The following CNOT4 variants were observed in gnomAD, a reference collection of about 807,000 sequenced individuals.
CNOT4 encodes the protein CCR4-associated factor 4.
CNOT4 carries 8 observed loss-of-function variants against 73.8 expected under a neutral mutation model. The ratio of observed to expected loss-of-function variants is 0.11; its 90% CI spans 0.06 to 0.20. CNOT4 has a LOEUF of 0.20. Ranked by LOEUF, CNOT4 falls within the 10% of genes least tolerant of loss-of-function variation. The pLI is 1.00. For missense variants in CNOT4, 564 were observed against 883.4 expected (o/e 0.64, Z 4.58); for synonymous variants, 293 against 321.1 (o/e 0.91, Z 0.94).
chr7:135,385,050 T>A (rs1248027467), intron 10 of CNOT4, among the ~76,000 whole-genome samples: 1 of 152,256 alleles, frequency 6.6e-6, no homozygotes, highest in Non-Finnish European at 1.5e-5. Context: ...ACCACTACTG[T>A]GCTAGTCTAG....
chr7:135,448,535 A>G (rs893527256), intron 1 of CNOT4, among the ~76,000 whole-genome samples: 2 of 146,964 alleles, frequency 1.4e-5, no homozygotes, highest in African/African-American at 5.4e-5. Flanking sequence ...CAAAAAAAGA[A>G]AAAAAAAGGG....
chr7:135,403,571 C>A (rs1435848449), intron 7 of CNOT4, among the ~76,000 whole-genome samples: 3 of 151,866 alleles, frequency 2.0e-5, no homozygotes, highest in African/African-American at 4.8e-5. Context: ...CTGGGCAACA[C>A]AGCAAGATCC....
chr7:135,365,511 A>T (rs923129775), intron 10 of CNOT4, among the ~76,000 whole-genome samples: 1 of 151,704 alleles, frequency 6.6e-6, no homozygotes, highest in African/African-American at 2.4e-5. Context: ...GACAAGGATA[A>T]TCTGCATTTA....
At chr7:135,426,377 C>T (rs903998671) in intron 2 of CNOT4, among the ~76,000 whole-genome samples, 5 of 151,466 alleles carry the variant, frequency 3.3e-5, no homozygotes, top group South Asian at 2.1e-4. Context: ...CCAAGGCGGG[C>T]GGACCACAAG....
chr7:135,495,512 A>G (rs1403959086), intron 1 of CNOT4, among the ~76,000 whole-genome samples: 1 of 148,616 alleles, frequency 6.7e-6, no homozygotes, highest in African/African-American at 2.5e-5. Flanking sequence ...CTCAAAAAAA[A>G]AAAAAAAAAA....
At chr7:135,386,391 C>T (rs1304112845) in intron 10 of CNOT4, 6 of 151,960 alleles carry the variant, frequency 3.9e-5, no homozygotes, top group Admixed American at 3.3e-4. Context: ...GCACATGATG[C>T]ATCATGCAGG....
intron 1 of CNOT4, among the ~76,000 whole-genome samples, chr7:135,457,226 G>C (rs1585673938): frequency 6.6e-6 from 1 of 151,946 alleles, no homozygotes. Context: ...GGCAACAACA[G>C]GGAGCATACA....
In CNOT4 at chr7:135,423,339, A is replaced by C. The variant is rs569217283; in HGVS notation, c.175-986T>G. On this transcript the variant is annotated intron_variant, in intron 2 of 11. Coordinates refer to ENST00000541284, the MANE Select transcript of CNOT4 (RefSeq NM_001190850.2). The stretch of plus-strand genomic sequence containing the variant: ...ACCTATCAGAATACAAGAGTGGGGA[A>C]CAACAGAAATAATGCCAAACCAAAA... Among the ~76,000 whole-genome samples, 14 of 151,988 alleles carry C rather than the reference A, an allele frequency of 9.2e-5. No homozygotes were observed. The East Asian group carries it at 2.7e-3, about 29-fold the overall frequency.
intron 10 of CNOT4, chr7:135,387,429 T>C (rs1438359514): frequency 4.1e-6 from 4 of 983,558 alleles, no homozygotes; most frequent in Non-Finnish European, 4.8e-6. Flanking sequence ...CAATTTTATA[T>C]AGAGGTAACC....
intron 1 of CNOT4, among the ~76,000 whole-genome samples, chr7:135,461,214 T>C (rs1307771296): frequency 4.6e-5 from 7 of 152,128 alleles, no homozygotes; most frequent in Admixed American, 4.6e-4. Flanking sequence ...AGAAATAAAT[T>C]TCATATATCC....
rs1448111437 is a variant in CNOT4 at position 135,395,709 on chromosome 7, G to C, written c.1054C>G (p.Pro352Ala). The change falls in exon 9 of 12, where the codon CCT (proline) becomes GCT (alanine). Residue 352 changes from proline to alanine, a missense_variant. Pro to Ala is a conservative substitution (Grantham distance 27). Transcript: ENST00000541284. ...GTCTGTGGGGAGCTGGGGAAAGGAG[G>C]AAGCCCACTTGGGATAGGGTTGGGA... is the stretch of plus-strand genomic sequence containing the variant. ...RHPNPIPSGL[P>A]PFPSSPQTSS... is the part of the protein sequence containing the mutation. 6.2e-7 allele frequency: 1 copy of C among 1,614,074 alleles called. No individual in the cohort carries two copies. Among genetic ancestry groups the C allele is most frequent in the Non-Finnish European group, 8.5e-7 (1 of 1,179,958 alleles).
chr7:135,453,060 A>G (rs940529012), intron 1 of CNOT4, among the ~76,000 whole-genome samples: 18 of 152,306 alleles, frequency 1.2e-4, no homozygotes, highest in Admixed American at 2.6e-4. Context: ...ACACCTTTGA[A>G]GTTTGTAAGG....
intron 7 of CNOT4, among the ~76,000 whole-genome samples, chr7:135,402,383 T>C (rs1797047266): frequency 6.6e-6 from 1 of 152,190 alleles, no homozygotes; most frequent in South Asian, 2.1e-4. Flanking sequence ...ATGCTGGGAT[T>C]CAGGCGTGAG....
chr7:135,441,476 A>C (rs576816515), intron 1 of CNOT4, among the ~76,000 whole-genome samples: 35 of 152,142 alleles, frequency 2.3e-4, no homozygotes, highest in African/African-American at 7.9e-4. Flanking sequence ...TAGGAGTTTA[A>C]AGCTGACTTC....
chr7:135,477,904 TTTA>T (rs1802096724), intron 1 of CNOT4, among the ~76,000 whole-genome samples: 1 of 151,490 alleles, frequency 6.6e-6, no homozygotes, highest in Non-Finnish European at 1.5e-5. Context: ...CAATATATAT[TTTA>T]TGTTGATATA....
At position 135,453,813 on chromosome 7, in the gene CNOT4, AAATATATATATTT is replaced by A. The variant is rs1206353401; in HGVS notation, c.-92-15403_-92-15391del. Among the ~76,000 whole-genome samples, 13 of 113,494 alleles carry A rather than the reference AAATATATATATTT, an allele frequency of 1.1e-4. No homozygotes were observed. In the East Asian group the frequency reaches 3.6e-3, roughly 32 times the overall value. The allele number at this position is 113,494 out of a possible 152,430, so 74.5% of individuals were successfully genotyped here. On this transcript the variant is annotated intron_variant, in intron 1 of 11. Coordinates refer to ENST00000541284, the MANE Select transcript of CNOT4 (RefSeq NM_001190850.2). ...ATTTTTATATATAAATATATATAAT[AAATATATATATTT>A]TATATATATATATATATATATTATA...
rs1382361323 is a variant in CNOT4, at chr7:135,438,333, T to C, written c.-2A>G. ...CTTCGCATCAGGACTGCGAGACATC[T>C]TCACGTTTATTAAACAGCAGCAAAA... is the stretch of plus-strand genomic sequence containing the variant. On this transcript the variant is annotated 5_prime_UTR_variant, in exon 2 of 12. Transcript: ENST00000541284. The C allele has an allele frequency of 1.9e-6, 3 of 1,585,840 alleles. No homozygotes were observed. Among genetic ancestry groups the C allele is most frequent in the Non-Finnish European group, 2.6e-6 (3 of 1,166,518 alleles).
intron 2 of CNOT4, among the ~76,000 whole-genome samples, chr7:135,427,188 CAT>C (rs1798555020): frequency 6.6e-6 from 1 of 152,076 alleles, no homozygotes; most frequent in Non-Finnish European, 1.5e-5. Flanking sequence ...TAATTTCTTC[CAT>C]ATGTGTAGTT....
Position 135,449,829 on chromosome 7 carries a change from T to G in CNOT4, c.-92-11406A>C, listed in dbSNP as rs924027577. On this transcript the variant is annotated intron_variant, in intron 1 of 11. Coordinates refer to ENST00000541284, the MANE Select transcript of CNOT4 (RefSeq NM_001190850.2). ...TAGTTAGGAATGAGAATATTGTGGG[T>G]TTTTTTTTTTTTAACCTCTTCTCTA... 2.5e-4 allele frequency among the ~76,000 whole-genome samples: 13 copies of G among 51,984 alleles called. No homozygotes were observed. The South Asian group carries it at 6.6e-3, about 26-fold the overall frequency. The allele number at this position is 51,984 out of a possible 152,430, so 34.1% of individuals were successfully genotyped here. A position where few individuals can be genotyped will look rare whatever the true frequency, so the allele number is the denominator to read the frequency against.
Sources: allele counts gnomAD v4.1 joint callset (sites outside exome capture counted in the v4.1 genomes callset), GRCh38; gene constraint gnomAD v4.1.1; transcripts MANE v1.5; gene names NCBI Gene and HGNC (gene_info 2026-07-23, HGNC 2026-07-21).